The following HGF variants were observed in gnomAD, a reference collection of about 807,000 sequenced individuals.
The protein encoded by HGF is fibroblast-derived tumor cytotoxic factor.
HGF carries 39 observed loss-of-function variants against 111.6 expected under a neutral mutation model. The ratio of observed to expected loss-of-function variants is 0.35; its 90% confidence interval spans 0.27 to 0.46. HGF has a LOEUF of 0.46. HGF is among the 20% of genes least tolerant of loss of function. The pLI, the probability that HGF is intolerant of heterozygous loss-of-function variation, is 1.00. For missense variants in HGF, 735 were observed against 910.5 expected (o/e 0.81, Z 2.48); for synonymous variants, 285 against 294.8 (o/e 0.97, Z 0.34).
At position 81,705,770 on chromosome 7, in the gene HGF, CAATGGT is replaced by C. The variant is rs779827905; in HGVS notation, c.1758-23_1758-18del. On this transcript the variant is annotated intron_variant, in intron 15 of 17. Transcript: ENST00000222390. Reference sequence around the variant, plus strand: ...ACAGCAGGCCTGAAAACACAAAATACAATGGTAAGTACTCTCAACTGGATTCAACAC... The same window carrying C: ...ACAGCAGGCCTGAAAACACAAAATACAAGTACTCTCAACTGGATTCAACAC... 1.4e-6 allele frequency: 2 copies of C among 1,435,638 alleles called. No homozygotes were observed. The highest frequency in any genetic ancestry group is 2.0e-6 in the Non-Finnish European group (2 of 1,019,402). The allele number at this position is 1,435,638 out of a possible 1,614,324, so 88.9% of individuals were successfully genotyped here.
intron 2 of HGF, 128 bp from the exon 3 acceptor site, chr7:81,758,932 A>G (rs1584006120): frequency 3.4e-6 from 2 of 595,870 alleles, no homozygotes; most frequent in South Asian, 4.3e-5. Context: ...TTACATATAC[A>G]TAATAAAAAT....
In HGF at chr7:81,700,469, T is replaced by A. The variant is rs912889792; in HGVS notation, c.*2112A>T. 4 of 151,622 alleles carry A rather than the reference T, an allele frequency of 2.6e-5. No individual in the cohort carries two copies. In the Admixed American group the frequency reaches 2.6e-4, roughly 10 times the overall value. The allele number at this position is 151,622 out of a possible 1,614,324, so 9.4% of individuals were successfully genotyped here. On this transcript the variant is annotated 3_prime_UTR_variant, in exon 18 of 18. Transcript: ENST00000222390. ...TTAGCTGTATCTTGTATCTAGCTAA[T>A]CTTTATCTGTATTTCCAGGAAATTT...
intron 11 of HGF, among the ~76,000 whole-genome samples, chr7:81,716,492 A>G (rs2115842937): frequency 6.6e-6 from 1 of 152,226 alleles, no homozygotes; most frequent in African/African-American, 2.4e-5. Flanking sequence ...TCATGTCTTA[A>G]ACATTTTTTT....
chr7:81,730,058 G>A (rs904087385), intron 7 of HGF, among the ~76,000 whole-genome samples: 7 of 152,054 alleles, frequency 4.6e-5, no homozygotes, highest in South Asian at 2.1e-4. Context: ...AATATATAGT[G>A]TTTCTGAAAT....
chr7:81,745,140 G>A lies in HGF; in HGVS notation c.626-20C>T, dbSNP rs1334851839. 1 of 1,612,572 alleles carries A rather than the reference G, an allele frequency of 6.2e-7. No individual in the cohort carries two copies. The highest frequency in any genetic ancestry group is 8.5e-7 in the Non-Finnish European group (1 of 1,179,074). On this transcript the variant is annotated intron_variant, in intron 5 of 17. Transcript: ENST00000222390. ...ATTCAACTAATAAAATTAAAGTATG[G>A]CATGTTAATTGTTTCTGACAGCAAA... is the stretch of plus-strand genomic sequence containing the variant.
In HGF at chr7:81,720,783, T is replaced by C. The variant is rs1789832164; in HGVS notation, c.1233A>G (p.Thr411=). The change falls in exon 10 of 18, where the codon ACA becomes ACG. Residue 411 remains threonine (T), a synonymous_variant. Coordinates refer to ENST00000222390, the MANE Select transcript of HGF (RefSeq NM_000601.6). ...GNLSQTRSGL[T]CSMWDKNMED... ...CCATGTTCTTGTCCCACATTGAACATGTTAGTCCAGATCTTGTTTGGGATA... is the reference window on the plus strand; with the variant it reads ...CCATGTTCTTGTCCCACATTGAACACGTTAGTCCAGATCTTGTTTGGGATA... 1.9e-6 allele frequency: 3 copies of C among 1,613,246 alleles called. No homozygotes were observed. The highest frequency in any genetic ancestry group is 1.1e-5 in the South Asian group (1 of 91,078).
rs1789218191 is a variant in HGF, at chr7:81,699,184, GACAA to G, written c.*3393_*3396del. 6.6e-6 allele frequency: 1 copy of G among 151,526 alleles called. No individual in the cohort carries two copies. Among genetic ancestry groups the G allele is most frequent in the African/African-American group, 2.4e-5 (1 of 41,490 alleles). 9.4% of individuals were successfully genotyped at this position (151,526 alleles called of 1,614,324 possible). ...TTATTAATTTCCTATTTACATACAAGACAAACAGTCATAGCATCCACAGTATTTC... is the reference window on the plus strand; with the variant it reads ...TTATTAATTTCCTATTTACATACAAGACAGTCATAGCATCCACAGTATTTC... On this transcript the variant is annotated 3_prime_UTR_variant, in exon 18 of 18. Transcript: ENST00000222390.
chr7:81,704,741 A>G (rs1789376857), intron 17 of HGF, among the ~76,000 whole-genome samples: 1 of 151,816 alleles, frequency 6.6e-6, no homozygotes, highest in Admixed American at 6.6e-5. Context: ...ACAGCCCTGA[A>G]GCTTGGAGAA....
intron 9 of HGF, among the ~76,000 whole-genome samples, chr7:81,725,384 A>G (rs902812523): frequency 6.6e-6 from 1 of 151,982 alleles, no homozygotes; most frequent in South Asian, 2.1e-4. Flanking sequence ...TATCTAGAAT[A>G]CTCTTACACA....
intron 2 of HGF, among the ~76,000 whole-genome samples, chr7:81,761,123 A>C (rs1004897950): frequency 1.5e-4 from 23 of 152,126 alleles, no homozygotes; most frequent in Admixed American, 1.5e-3. Flanking sequence ...GGAAAATACA[A>C]CTCTATCCTC....
intron 7 of HGF, among the ~76,000 whole-genome samples, chr7:81,742,256 T>C (rs753477928): frequency 1.6e-4 from 24 of 152,198 alleles, no homozygotes; most frequent in South Asian, 6.2e-4. Flanking sequence ...CATTTCCTTT[T>C]ATTAGCAGGT....
chr7:81,748,995 C>G (rs1788385849), intron 5 of HGF, among the ~76,000 whole-genome samples: 1 of 152,036 alleles, frequency 6.6e-6, no homozygotes, highest in African/African-American at 2.4e-5. Context: ...TTGTTTTATT[C>G]CATTAAAGAC....
Position 81,720,858 on chromosome 7 carries a change from A to G in HGF, c.1169-11T>C. 2.2e-6 allele frequency: 3 copies of G among 1,342,884 alleles called. No individual in the cohort carries two copies. In the African/African-American group the frequency reaches 4.3e-5, roughly 19 times the overall value. The allele number at this position is 1,342,884 out of a possible 1,614,324, so 83.2% of individuals were successfully genotyped here. A position where few individuals can be genotyped will look rare whatever the true frequency, so the allele number is the denominator to read the frequency against. On this transcript the variant is annotated splice_polypyrimidine_tract_variant and intron_variant, in intron 9 of 17. Transcript: ENST00000222390. ...TCCCACGATAACAATCTAGACATAA[A>G]ATATACAGAAATAAGTCCAATGAAT...
chr7:81,720,118 A>C (rs1461139119), intron 10 of HGF, among the ~76,000 whole-genome samples: 2 of 152,166 alleles, frequency 1.3e-5, no homozygotes, highest in Non-Finnish European at 2.9e-5. Flanking sequence ...TACCTTCTCT[A>C]TGAGTATATC....
chr7:81,729,607 G>T lies in HGF; in HGVS notation c.1038C>A (p.Cys346Ter). The change falls in exon 8 of 18, where the codon TGC becomes TGA. Residue 346 changes from cysteine to a stop codon, truncating the protein, a stop_gained and splice_region_variant. Coordinates refer to ENST00000222390, the MANE Select transcript of HGF (RefSeq NM_000601.6). LOFTEE classifies it high-confidence loss of function. ...TAACATTTGCCTACTTTACTCACTT[G>T]CACTTGAAATTTTCAGGAGTCATGT... is the stretch of plus-strand genomic sequence containing the variant. ...EHDMTPENFK[C>*]KDLRENYCRN... The T allele has an allele frequency of 1.2e-6, 2 of 1,610,930 alleles. No individual in the cohort carries two copies. Among genetic ancestry groups the T allele is most frequent in the Non-Finnish European group, 1.7e-6 (2 of 1,177,248 alleles).
Position 81,743,490 on chromosome 7 carries a change from A to G in HGF, c.747-19T>C. 1 of 1,484,732 alleles carries G rather than the reference A, an allele frequency of 6.7e-7. No homozygotes were observed. The highest frequency in any genetic ancestry group is 9.4e-7 in the Non-Finnish European group (1 of 1,061,886). The allele number at this position is 1,484,732 out of a possible 1,614,324, so 92.0% of individuals were successfully genotyped here. A position where few individuals can be genotyped will look rare whatever the true frequency, so the allele number is the denominator to read the frequency against. ...GGGATATCTGCAAACCACACCAAGA[A>G]AAGTGTCACGTAAATCTGCCTGGAA... On this transcript the variant is annotated intron_variant, in intron 6 of 17. Coordinates refer to ENST00000222390, the MANE Select transcript of HGF (RefSeq NM_000601.6).
chr7:81,726,343 C>T (rs997670846), intron 8 of HGF, among the ~76,000 whole-genome samples: 4 of 152,130 alleles, frequency 2.6e-5, no homozygotes, highest in African/African-American at 7.2e-5. Context: ...TCAATTGGTA[C>T]CATTTCAAAA....
intron 7 of HGF, among the ~76,000 whole-genome samples, chr7:81,731,347 A>G (rs1787648554): frequency 6.6e-6 from 1 of 152,150 alleles, no homozygotes; most frequent in Non-Finnish European, 1.5e-5. Flanking sequence ...AAATATCCAA[A>G]CTTAAAAAGA....
At chr7:81,738,569 T>G (rs1228841502) in intron 7 of HGF, among the ~76,000 whole-genome samples, 1 of 152,144 alleles carries the variant, frequency 6.6e-6, no homozygotes, top group Non-Finnish European at 1.5e-5. Context: ...TGTCAGACAA[T>G]GAGCAACATT....
Sources: allele counts gnomAD v4.1 joint callset (sites outside exome capture counted in the v4.1 genomes callset), GRCh38; gene constraint gnomAD v4.1.1; transcripts MANE v1.5; gene names NCBI Gene and HGNC (gene_info 2026-07-23, HGNC 2026-07-21).